Variants in ANTXR1 observed in about 807,000 individuals in gnomAD.
The protein encoded by ANTXR1 is anthrax toxin receptor 1.
ANTXR1 carries 19 observed loss-of-function variants against 78.1 expected under a neutral mutation model. The observed-to-expected ratio is 0.24, with a 90% CI of 0.17 to 0.36. ANTXR1 has a LOEUF of 0.36. Among genes scored for constraint, ANTXR1 ranks in the 10% least tolerant of loss-of-function variants. The probability of loss-of-function intolerance (pLI) is 1.00; values close to 1 mark genes in which losing one functional copy is unlikely to be tolerated. For synonymous variants in ANTXR1, 273 were observed against 260.5 expected, an observed-to-expected ratio of 1.05 and a Z score of -0.46; for missense variants, 518 against 718.6, an observed-to-expected ratio of 0.72 and a Z score of 3.19.
At chr2:69,153,374 G>C (rs917200035) in intron 13 of ANTXR1, among the ~76,000 whole-genome samples, 1 of 152,088 alleles carries the variant, frequency 6.6e-6, no homozygotes, top group East Asian at 1.9e-4. Flanking sequence ...ACATGTTAAA[G>C]AGGTGGCAAA....
Position 69,013,632 on chromosome 2 carries a change from C to G in ANTXR1, c.133C>G (p.Leu45Val), listed in dbSNP as rs967954093. 7.1e-6 allele frequency: 11 copies of G among 1,553,774 alleles called. No homozygotes were observed. In the African/African-American group the frequency reaches 1.2e-4, roughly 17 times the overall value. ...GGPACYGGFD[L>V]YFILDKSGSV... The stretch of plus-strand genomic sequence containing the variant: ...TCCAGCCTGCTACGGCGGATTTGAC[C>G]TGTACTTCATTTTGGACAAGTAAGT... The change falls in exon 1 of 18, where the codon CTG becomes GTG. Residue 45 changes from leucine to valine, a missense_variant. Around this residue, in one of 5 missense-constraint regions of ANTXR1, gnomAD observed 6 missense variants for 27.0 expected, o/e 0.22. Transcript: ENST00000303714. This position sits in a 1 kb window ranked among gnomAD's most constrained non-coding sequence, Gnocchi z 5.0.
intron 9 of ANTXR1, 103 bp downstream of exon 9, chr2:69,091,022 G>A: frequency 8.3e-7 from 1 of 1,210,370 alleles, no homozygotes; most frequent in South Asian, 1.2e-5. Flanking sequence ...AGAGGAACAG[G>A]AAGGGGTAGG....
At chr2:69,160,649 G>T (rs944628920) in intron 13 of ANTXR1, among the ~76,000 whole-genome samples, 6 of 152,162 alleles carry the variant, frequency 3.9e-5, no homozygotes, top group Non-Finnish European at 7.3e-5. Flanking sequence ...ATGAATAGGG[G>T]CACTTCAGAA....
At chr2:69,055,483 C>T (rs1304441881) in intron 3 of ANTXR1, among the ~76,000 whole-genome samples, 1 of 152,122 alleles carries the variant, frequency 6.6e-6, no homozygotes, top group Non-Finnish European at 1.5e-5. Flanking sequence ...TTTAGCAGGT[C>T]TGGGAACAGA....
chr2:69,106,420 CTAAG>C (rs886877299), intron 10 of ANTXR1, among the ~76,000 whole-genome samples: 1 of 152,094 alleles, frequency 6.6e-6, no homozygotes, highest in African/African-American at 2.4e-5. Flanking sequence ...GAATAAAAAC[CTAAG>C]TAAGAAACAA....
intron 13 of ANTXR1, among the ~76,000 whole-genome samples, chr2:69,160,992 C>T (rs911713611): frequency 6.6e-6 from 1 of 152,294 alleles, no homozygotes; most frequent in African/African-American, 2.4e-5. Context: ...TCAATATCAA[C>T]AAGCTTGAAC....
chr2:69,219,378 A>G (rs1184502109), intron 17 of ANTXR1, among the ~76,000 whole-genome samples: 1 of 62,358 alleles, frequency 1.6e-5, no homozygotes, highest in Non-Finnish European at 3.7e-5. Flanking sequence ...TGTCCACCAG[A>G]AGGAGGACAC....
At chr2:69,229,482 A>G (rs1468339796) in intron 17 of ANTXR1, among the ~76,000 whole-genome samples, 2 of 152,176 alleles carry the variant, frequency 1.3e-5, no homozygotes, top group Non-Finnish European at 2.9e-5. Flanking sequence ...AGTGCTCTTG[A>G]CCAAAAAATC....
chr2:69,034,399 G>T (rs1340260263), intron 1 of ANTXR1, among the ~76,000 whole-genome samples: 1 of 152,150 alleles, frequency 6.6e-6, no homozygotes, highest in East Asian at 1.9e-4. Context: ...TCTTCAAGCA[G>T]AATTCCTGGG....
At position 69,172,610 on chromosome 2, in the gene ANTXR1, A is replaced by T. The variant is rs370507295; in HGVS notation, c.1089+2321A>T. ...TTCAGTATTATTTATCCCAACTTTC[A>T]TCAGCTCTATCAACATCATATTCTG... On this transcript the variant is annotated intron_variant, in intron 14 of 17. Coordinates refer to ENST00000303714, the MANE Select transcript of ANTXR1 (RefSeq NM_032208.3). 4.6e-6 allele frequency: 5 copies of T among 1,087,714 alleles called. No homozygotes were observed. In the East Asian group the frequency reaches 1.7e-4, roughly 37 times the overall value. 67.4% of individuals were successfully genotyped at this position (1,087,714 alleles called of 1,614,324 possible).
intron 17 of ANTXR1, among the ~76,000 whole-genome samples, chr2:69,205,803 G>A (rs1674885147): frequency 6.6e-6 from 1 of 152,024 alleles, no homozygotes. Flanking sequence ...GTCTTCTAGG[G>A]ACATGTCCAG....
At chr2:69,115,635 C>T (rs1190765295) in intron 10 of ANTXR1, among the ~76,000 whole-genome samples, 1 of 152,172 alleles carries the variant, frequency 6.6e-6, no homozygotes, top group Non-Finnish European at 1.5e-5. Flanking sequence ...CTCCAGCCTT[C>T]CTCAGAGAAC....
intron 17 of ANTXR1, among the ~76,000 whole-genome samples, chr2:69,241,123 T>C (rs1008519542): frequency 1.3e-5 from 2 of 152,160 alleles, no homozygotes; most frequent in African/African-American, 4.8e-5. Flanking sequence ...AAATCTTGGA[T>C]CGGAATCAAA....
intron 13 of ANTXR1, among the ~76,000 whole-genome samples, chr2:69,163,129 A>T (rs184054311): frequency 6.6e-6 from 1 of 152,240 alleles, no homozygotes; most frequent in East Asian, 1.9e-4. Flanking sequence ...TTCTTAGTTG[A>T]CGTGAGTCTG....
At chr2:69,175,709 G>A (rs545043733) in intron 14 of ANTXR1, among the ~76,000 whole-genome samples, 66 of 152,304 alleles carry the variant, frequency 4.3e-4, no homozygotes, top group African/African-American at 1.5e-3. Context: ...GGGAAAGGAT[G>A]TGAATATGTG....
At chr2:69,078,494 C>T (rs1306302010) in intron 8 of ANTXR1, among the ~76,000 whole-genome samples, 1 of 152,188 alleles carries the variant, frequency 6.6e-6, no homozygotes, top group Non-Finnish European at 1.5e-5. Flanking sequence ...AGGAAAATTC[C>T]AGCATGGCTG....
At chr2:69,174,631 A>G (rs924161001) in intron 14 of ANTXR1, among the ~76,000 whole-genome samples, 6 of 152,148 alleles carry the variant, frequency 3.9e-5, no homozygotes, top group Non-Finnish European at 5.9e-5. Flanking sequence ...TCTCAAAAAA[A>G]AAAAGAGAGA....
intron 12 of ANTXR1, among the ~76,000 whole-genome samples, chr2:69,139,999 G>T (rs934971473): frequency 5.3e-5 from 8 of 152,180 alleles, no homozygotes; most frequent in Non-Finnish European, 1.0e-4. Flanking sequence ...GCTACATCTT[G>T]TCTGGATTAT....
At chr2:69,186,064 A>G (rs1674408851) in intron 16 of ANTXR1, among the ~76,000 whole-genome samples, 1 of 151,694 alleles carries the variant, frequency 6.6e-6, no homozygotes, top group South Asian at 2.1e-4. Flanking sequence ...CCCAGTAAAC[A>G]GTGTTGTACC....
Sources: gnomAD v4.1 joint callset for allele counts (sites outside exome capture counted in the v4.1 genomes callset) on GRCh38, gnomAD v4.1.1 for gene constraint, gnomAD v4.1.1 regional missense constraint, Gnocchi (gnomAD v3.1) non-coding constraint, MANE v1.5 for transcripts, NCBI Gene and HGNC (gene_info 2026-07-23, HGNC 2026-07-21) for gene names.